The following ECT2L variants were observed in gnomAD, a reference collection of about 807,000 sequenced individuals.
ECT2L encodes epithelial cell-transforming sequence 2 oncogene-like.
Under a neutral mutation model 122.8 loss-of-function variants are expected in ECT2L, and 126 were observed. That is an observed-to-expected ratio of 1.03 (90% CI 0.89 to 1.19). The LOEUF (loss-of-function observed/expected upper bound fraction) is 1.19, where lower values mean the gene tolerates loss of function less well. ECT2L is among the 50% of genes most tolerant of loss of function. The pLI is 0.00. For synonymous variants in ECT2L, 385 were observed against 381.8 expected (o/e 1.01, Z -0.10); for missense variants, 1,012 against 1,064.1 (o/e 0.95, Z 0.68).
At chr6:138,802,882 C>T (rs577553620) in intron 1 of ECT2L, among the ~76,000 whole-genome samples, 2 of 151,942 alleles carry the variant, frequency 1.3e-5, no homozygotes, top group Non-Finnish European at 2.9e-5. Flanking sequence ...TTCGAGACAG[C>T]CTGGCCAACA....
At chr6:138,855,278 T>C (rs943256702) in intron 10 of ECT2L, among the ~76,000 whole-genome samples, 5 of 151,964 alleles carry the variant, frequency 3.3e-5, no homozygotes, top group Non-Finnish European at 7.4e-5. Flanking sequence ...GAGGCCAAGG[T>C]GGGCAGATCA....
intron 9 of ECT2L, among the ~76,000 whole-genome samples, chr6:138,852,588 T>C (rs1482764048): frequency 6.6e-6 from 1 of 152,096 alleles, no homozygotes; most frequent in African/African-American, 2.4e-5. Flanking sequence ...ATCTCTGTGG[T>C]TGGGACTTCG....
At chr6:138,886,638 G>A (rs562262806) in intron 18 of ECT2L, among the ~76,000 whole-genome samples, 1 of 151,760 alleles carries the variant, frequency 6.6e-6, no homozygotes, top group African/African-American at 2.4e-5. Context: ...GGCTGGTCTT[G>A]AACTCCTGAG....
At chr6:138,888,317 C>CTTTTTT (rs71270363) in intron 19 of ECT2L, among the ~76,000 whole-genome samples, 15 of 128,630 alleles carry the variant, frequency 1.2e-4, no homozygotes, top group East Asian at 4.8e-4. Context: ...TTTTTCTTTT[C>CTTTTTT]TTTTTTTTTT....
intron 4 of ECT2L, among the ~76,000 whole-genome samples, chr6:138,825,300 C>T (rs531934046): frequency 6.6e-6 from 1 of 152,298 alleles, no homozygotes; most frequent in African/African-American, 2.4e-5. Context: ...ACATATAATG[C>T]CGAGCGCGGT....
Position 138,844,458 on chromosome 6 carries a change from C to T in ECT2L, c.642C>T (p.Cys214=), listed in dbSNP as rs912274233. The part of the protein sequence containing the change: ...VRPPWVSGTC[C]SSVLKPRCQP... ...CCCCTTGGGTGAGTGGAACTTGCTGCTCTAGCGTGCTAAAGCCCAGATGCC... is the reference window on the plus strand; with the variant it reads ...CCCCTTGGGTGAGTGGAACTTGCTGTTCTAGCGTGCTAAAGCCCAGATGCC... The change falls in exon 7 of 22, where the codon TGC becomes TGT. Residue 214 remains cysteine, a synonymous_variant. Coordinates refer to ENST00000541398, the MANE Select transcript of ECT2L (RefSeq NM_001077706.3). The T allele has an allele frequency of 1.2e-6, 2 of 1,614,064 alleles. No individual in the cohort carries two copies. Among genetic ancestry groups the T allele is most frequent in the African/African-American group, 1.3e-5 (1 of 74,940 alleles).
chr6:138,896,836 C>T (rs530741049), intron 20 of ECT2L, among the ~76,000 whole-genome samples: 3 of 152,094 alleles, frequency 2.0e-5, no homozygotes, highest in South Asian at 2.1e-4. Flanking sequence ...TTAGTAGAGA[C>T]GGGGTTTCGC....
intron 13 of ECT2L, among the ~76,000 whole-genome samples, chr6:138,874,612 C>T (rs911716063): frequency 2.0e-5 from 3 of 152,126 alleles, no homozygotes. Flanking sequence ...CATGATGACA[C>T]CTGAATTTTA....
chr6:138,840,701 CTTT>C (rs995043749), intron 5 of ECT2L, among the ~76,000 whole-genome samples: 5 of 151,632 alleles, frequency 3.3e-5, no homozygotes, highest in African/African-American at 7.3e-5. Flanking sequence ...GCTTTTTGGA[CTTT>C]TTTTCTTTCA....
chr6:138,840,467 T>C (rs1777000995), intron 5 of ECT2L, among the ~76,000 whole-genome samples: 1 of 152,232 alleles, frequency 6.6e-6, no homozygotes, highest in Non-Finnish European at 1.5e-5. Flanking sequence ...TATTTAATAT[T>C]ACCTCTAGCA....
intron 4 of ECT2L, among the ~76,000 whole-genome samples, chr6:138,816,141 A>G (rs183315708): frequency 6.6e-6 from 1 of 152,246 alleles, no homozygotes; most frequent in Non-Finnish European, 1.5e-5. Flanking sequence ...CTTTCAAGAT[A>G]AGAAAATAAC....
intron 13 of ECT2L, among the ~76,000 whole-genome samples, chr6:138,873,510 CCAGCCGGGAG>C (rs1318691172): frequency 6.6e-6 from 1 of 152,202 alleles, no homozygotes; most frequent in African/African-American, 2.4e-5. Flanking sequence ...AAAGACCCTT[CCAGCCGGGAG>C]CAGCGGCTCA....
At chr6:138,872,199 C>T (rs1041287209) in intron 13 of ECT2L, among the ~76,000 whole-genome samples, 1 of 152,158 alleles carries the variant, frequency 6.6e-6, no homozygotes, top group African/African-American at 2.4e-5. Flanking sequence ...AGGTTGAAGC[C>T]CTGCTTGCTG....
In ECT2L at chr6:138,813,121, T is replaced by C. The variant is rs115206074; in HGVS notation, c.-103-51T>C. ...TCTATCTATATGTTATATGTGAATT[T>C]CTATAATTATATAATTCCTATAAGG... is the stretch of plus-strand genomic sequence containing the variant. On this transcript the variant is annotated intron_variant, in intron 2 of 21. Coordinates refer to ENST00000541398, the MANE Select transcript of ECT2L (RefSeq NM_001077706.3). The C allele has an allele frequency of 6.4e-3, 3,513 of 548,714 alleles. 117 individuals carry two copies. The highest frequency in any genetic ancestry group is 0.06 in the African/African-American group (3,155 of 53,004). The allele number at this position is 548,714 out of a possible 1,614,324, so 34.0% of individuals were successfully genotyped here. A position where few individuals can be genotyped will look rare whatever the true frequency, so the allele number is the denominator to read the frequency against.
chr6:138,837,278 C>A (rs1776873130), intron 4 of ECT2L, among the ~76,000 whole-genome samples: 1 of 152,116 alleles, frequency 6.6e-6, no homozygotes, highest in Admixed American at 6.5e-5. Flanking sequence ...CTCCCATAAT[C>A]TTCATATTTT....
chr6:138,843,494 A>G (rs938985138), intron 6 of ECT2L, among the ~76,000 whole-genome samples: 13 of 152,172 alleles, frequency 8.5e-5, no homozygotes, highest in African/African-American at 3.1e-4. Flanking sequence ...AAGACCAAAA[A>G]CAAAGAGGAT....
rs191519395 is a variant in ECT2L at position 138,827,219 on chromosome 6, A to G, written c.180-11133A>G. 4.6e-3 allele frequency among the ~76,000 whole-genome samples: 704 copies of G among 152,200 alleles called. 4 individuals carry two copies. The highest frequency in any genetic ancestry group is 0.016 in the African/African-American group (681 of 41,560). On this transcript the variant is annotated intron_variant, in intron 4 of 21. Coordinates refer to ENST00000541398, the MANE Select transcript of ECT2L (RefSeq NM_001077706.3). ...AAAAATTAGCCAGGTGTGGTGGCGCATGCCTGTAATCCCAGCTACTCTGGA... is the reference window on the plus strand; with the variant it reads ...AAAAATTAGCCAGGTGTGGTGGCGCGTGCCTGTAATCCCAGCTACTCTGGA...
At chr6:138,897,095 G>A (rs1779242300) in intron 20 of ECT2L, among the ~76,000 whole-genome samples, 1 of 152,176 alleles carries the variant, frequency 6.6e-6, no homozygotes, top group African/African-American at 2.4e-5. Flanking sequence ...TAGTAGCTGT[G>A]TTCCATTTTG....
At chr6:138,847,058 A>G (rs558649662) in intron 8 of ECT2L, among the ~76,000 whole-genome samples, 91 of 151,414 alleles carry the variant, frequency 6.0e-4, no homozygotes, top group African/African-American at 2.2e-3. Flanking sequence ...ACCTGAGGTC[A>G]GGAGTTCAAA....
Sources: gnomAD v4.1 joint callset for allele counts (sites outside exome capture counted in the v4.1 genomes callset) on GRCh38, gnomAD v4.1.1 for gene constraint, MANE v1.5 for transcripts, NCBI Gene and HGNC (gene_info 2026-07-23, HGNC 2026-07-21) for gene names.